Variants in SNX29 observed in about 807,000 individuals in gnomAD.
SNX29 encodes the protein sorting nexin-29.
Under a neutral mutation model 102.1 loss-of-function variants are expected in SNX29, and 78 were observed. The observed-to-expected ratio is 0.76, with a 90% CI of 0.64 to 0.92. The LOEUF is 0.92. Ranked by LOEUF, SNX29 falls within the 40% of genes least tolerant of loss-of-function variation. The probability of loss-of-function intolerance (pLI) is 0.00; values close to 1 mark genes in which losing one functional copy is unlikely to be tolerated. For missense variants in SNX29, 1,280 were observed against 1,061.7 expected (o/e 1.21, Z -2.86); for synonymous variants, 580 against 414.5 (o/e 1.40, Z -4.85).
intron 16 of SNX29, among the ~76,000 whole-genome samples, chr16:12,360,727 CTT>C (rs915939309): frequency 7.9e-5 from 12 of 151,414 alleles, no homozygotes; most frequent in African/African-American, 2.7e-4. Flanking sequence ...AGCTCCAAGA[CTT>C]TGTACATGTT....
At position 12,572,073 on chromosome 16, in the gene SNX29, TAGGAAG is replaced by T. The variant is rs1372527833; in HGVS notation, c.*3451_*3456del. The T allele has an allele frequency of 3.8e-6, 4 of 1,063,448 alleles. No homozygotes were observed. In the African/African-American group the frequency reaches 4.9e-5, roughly 13 times the overall value. The allele number at this position is 1,063,448 out of a possible 1,614,324, so 65.9% of individuals were successfully genotyped here. On this transcript the variant is annotated 3_prime_UTR_variant, in exon 21 of 21. Transcript: ENST00000566228. ...AACAAGGGAACCATCTTGCAAGATCTAGGAAGAGGAAGGGGAGGGATGTGGACTGGG... is the reference window on the plus strand; with the variant it reads ...AACAAGGGAACCATCTTGCAAGATCTAGGAAGGGGAGGGATGTGGACTGGG...
chr16:12,194,708 C>T (rs1363307504), intron 13 of SNX29, among the ~76,000 whole-genome samples: 4 of 150,882 alleles, frequency 2.7e-5, no homozygotes, highest in Non-Finnish European at 5.9e-5. Flanking sequence ...CTCAGTGCAA[C>T]CTCCGCCTCC....
chr16:12,530,548 T>G (rs928110782), intron 20 of SNX29, among the ~76,000 whole-genome samples: 2 of 152,022 alleles, frequency 1.3e-5, no homozygotes, highest in Non-Finnish European at 2.9e-5. Flanking sequence ...TTCGTTTTTT[T>G]TTTTTGTTTT....
chr16:12,495,727 G>C (rs2088787256), intron 19 of SNX29, among the ~76,000 whole-genome samples: 1 of 152,172 alleles, frequency 6.6e-6, no homozygotes, highest in African/African-American at 2.4e-5. Flanking sequence ...AGTGTGGCTG[G>C]GAGTCTCCTG....
intron 20 of SNX29, among the ~76,000 whole-genome samples, chr16:12,555,316 C>G (rs181739623): frequency 6.6e-6 from 1 of 151,590 alleles, no homozygotes; most frequent in Non-Finnish European, 1.5e-5. Flanking sequence ...CCTCTCATAG[C>G]CCCAGTGTTT....
chr16:11,981,489 G>A (rs753332941), intron 1 of SNX29, among the ~76,000 whole-genome samples: 1 of 151,882 alleles, frequency 6.6e-6, no homozygotes, highest in Non-Finnish European at 1.5e-5. Context: ...TTTCCCCCTT[G>A]CATTTGTTGT....
intron 18 of SNX29, among the ~76,000 whole-genome samples, chr16:12,417,162 A>C (rs1354511168): frequency 6.6e-6 from 1 of 152,196 alleles, no homozygotes. Context: ...CTACTCCATA[A>C]TCCATCCGTA....
chr16:12,219,465 C>A (rs1339153074), intron 14 of SNX29, among the ~76,000 whole-genome samples: 2 of 152,140 alleles, frequency 1.3e-5, no homozygotes, highest in African/African-American at 4.8e-5. Context: ...TTAGCAAACG[C>A]CACTTGTGAC....
intron 20 of SNX29, among the ~76,000 whole-genome samples, chr16:12,562,613 A>C (rs1306368391): frequency 6.6e-6 from 1 of 152,164 alleles, no homozygotes; most frequent in Non-Finnish European, 1.5e-5. Flanking sequence ...CTGGCTCTTG[A>C]GAGCTACAGG....
intron 14 of SNX29, among the ~76,000 whole-genome samples, chr16:12,257,006 A>C (rs1002480374): frequency 1.3e-5 from 2 of 152,230 alleles, no homozygotes; most frequent in African/African-American, 4.8e-5. Context: ...GGAGGTCAGA[A>C]GCCGTGGATT....
At chr16:12,108,338 CA>C (rs1391475046) in intron 11 of SNX29, among the ~76,000 whole-genome samples, 9 of 152,156 alleles carry the variant, frequency 5.9e-5, no homozygotes, top group Non-Finnish European at 1.2e-4. Flanking sequence ...CATGCCAGGC[CA>C]GGGGGAGACT....
At chr16:12,149,592 C>G (rs1054807852) in intron 13 of SNX29, among the ~76,000 whole-genome samples, 1 of 152,106 alleles carries the variant, frequency 6.6e-6, no homozygotes, top group African/African-American at 2.4e-5. Context: ...GACTCTAATC[C>G]CTGCAGTAAG....
chr16:12,396,319 C>T (rs1055578831), intron 16 of SNX29, among the ~76,000 whole-genome samples: 53 of 152,208 alleles, frequency 3.5e-4, no homozygotes, highest in African/African-American at 1.2e-3. Context: ...TCTGCCTGTG[C>T]TCTGTGGGGT....
intron 16 of SNX29, among the ~76,000 whole-genome samples, chr16:12,380,011 G>C (rs1370601169): frequency 2.0e-5 from 3 of 152,064 alleles, no homozygotes; most frequent in East Asian, 1.9e-4. Context: ...GCAGATTCTG[G>C]TATATGACCT....
At chr16:12,420,496 C>T (rs908428585) in intron 18 of SNX29, among the ~76,000 whole-genome samples, 1 of 152,158 alleles carries the variant, frequency 6.6e-6, no homozygotes, top group African/African-American at 2.4e-5. Context: ...CAGTGAGGCA[C>T]ATCCTGGTGT....
intron 14 of SNX29, among the ~76,000 whole-genome samples, chr16:12,236,487 C>T (rs1174822413): frequency 1.3e-5 from 2 of 152,200 alleles, no homozygotes; most frequent in Non-Finnish European, 2.9e-5. Context: ...GCCTAGAAGC[C>T]CTTTTCCCAC....
intron 18 of SNX29, among the ~76,000 whole-genome samples, chr16:12,421,188 C>T (rs938296351): frequency 3.9e-5 from 6 of 152,182 alleles, no homozygotes; most frequent in African/African-American, 1.2e-4. Flanking sequence ...GTGTTGAAAA[C>T]ACAGACTGAG....
chr16:12,564,907 A>AG lies in SNX29; in HGVS notation c.2319-3598dup, dbSNP rs1183672864. On this transcript the variant is annotated intron_variant, in intron 20 of 20. Transcript: ENST00000566228. ...GATCCTGTGGGGAGGAGGCATCTGC[A>AG]GCAGGGACTGGAGGGAACCTTGGTG... Among the ~76,000 whole-genome samples, 6 of 145,666 alleles carry AG rather than the reference A, an allele frequency of 4.1e-5. No homozygotes were observed. The East Asian group carries it at 1.2e-3, about 30-fold the overall frequency.
At chr16:11,978,636 TCTTTTC>T (rs202234692) in intron 1 of SNX29, among the ~76,000 whole-genome samples, 1,627 of 152,274 alleles carry the variant, frequency 0.011, 76 homozygotes, top group Admixed American at 0.093. Flanking sequence ...TGTCTGAAAA[TCTTTTC>T]CTTTTACTAT....
Sources: gnomAD v4.1 joint callset for allele counts (sites outside exome capture counted in the v4.1 genomes callset) on GRCh38, gnomAD v4.1.1 for gene constraint, MANE v1.5 for transcripts, NCBI Gene and HGNC (gene_info 2026-07-23, HGNC 2026-07-21) for gene names.